The following SV2C variants were observed in gnomAD, a reference collection of about 807,000 sequenced individuals.
SV2C encodes synaptic vesicle glycoprotein 2C.
SV2C carries 49 observed loss-of-function variants against 79.7 expected under a neutral mutation model. The observed-to-expected ratio is 0.61, with a 90% CI of 0.49 to 0.78. The LOEUF (loss-of-function observed/expected upper bound fraction) is 0.78. Ranked by LOEUF, SV2C falls within the 30% of genes least tolerant of loss-of-function variation. SV2C has a pLI of 0.00. For missense variants in SV2C, 833 were observed against 912.9 expected, an observed-to-expected ratio of 0.91 and a Z score of 1.13; for synonymous variants, 334 against 333.2, an observed-to-expected ratio of 1.00 and a Z score of -0.03.
At chr5:76,165,479 A>C (rs1035635867) in intron 2 of SV2C, among the ~76,000 whole-genome samples, 1 of 152,096 alleles carries the variant, frequency 6.6e-6, no homozygotes, top group African/African-American at 2.4e-5. Context: ...AAACTCCTTC[A>C]TGTTACTCCT....
the SV2C span, among the ~76,000 whole-genome samples, chr5:75,853,283 G>C: frequency 6.6e-6 from 1 of 152,050 alleles, no homozygotes; most frequent in African/African-American, 2.4e-5. Context: ...TTGGCCGGGC[G>C]CGGTGGCTCA....
intron 1 of SV2C, among the ~76,000 whole-genome samples, chr5:76,085,495 A>G (rs1747157446): frequency 6.6e-6 from 1 of 152,082 alleles, no homozygotes; most frequent in Non-Finnish European, 1.5e-5. Flanking sequence ...AAGGAGCCCA[A>G]ATCTGCAGTA....
At chr5:75,879,015 G>A in the SV2C span, among the ~76,000 whole-genome samples, 3 of 152,132 alleles carry the variant, frequency 2.0e-5, no homozygotes, top group African/African-American at 4.8e-5. Context: ...AAGAGTGATG[G>A]TGGATGTGTC....
the SV2C span, among the ~76,000 whole-genome samples, chr5:75,867,250 C>G: frequency 6.6e-6 from 1 of 152,072 alleles, no homozygotes; most frequent in Non-Finnish European, 1.5e-5. Context: ...TTAGAACACA[C>G]GGACCTATCA....
chr5:75,884,693 G>C, the SV2C span, among the ~76,000 whole-genome samples: 1 of 151,940 alleles, frequency 6.6e-6, no homozygotes. Context: ...TTAAGGTGAT[G>C]GATATTATAA....
the SV2C span, among the ~76,000 whole-genome samples, chr5:76,034,439 T>C: frequency 6.6e-6 from 1 of 152,250 alleles, no homozygotes; most frequent in Non-Finnish European, 1.5e-5. Flanking sequence ...ACCTAATTTA[T>C]TGAGAATTTT....
chr5:75,974,067 T>C, the SV2C span, among the ~76,000 whole-genome samples: 2 of 152,026 alleles, frequency 1.3e-5, no homozygotes, highest in Admixed American at 1.3e-4. Context: ...ACTTTTTGTA[T>C]TCTTGTCATT....
chr5:76,321,828 T>TA (rs993413176), intron 12 of SV2C, among the ~76,000 whole-genome samples: 5 of 152,188 alleles, frequency 3.3e-5, no homozygotes, highest in Non-Finnish European at 7.3e-5. Context: ...TTTTCTTTTT[T>TA]AAAAAATGTC....
intron 4 of SV2C, among the ~76,000 whole-genome samples, chr5:76,230,616 C>T: frequency 8.2e-6 from 1 of 122,346 alleles, no homozygotes; most frequent in African/African-American, 6.3e-5. Context: ...CATGGTGAAA[C>T]CATCTCTACT....
At chr5:76,299,067 T>G (rs1277078730) in intron 10 of SV2C, 140 bp downstream of exon 10, 24 of 1,098,288 alleles carry the variant, frequency 2.2e-5, no homozygotes, top group Non-Finnish European at 2.8e-5. Flanking sequence ...TAAATCAGGT[T>G]GGATCAAAGG....
chr5:76,235,299 C>T (rs905019185), intron 4 of SV2C, among the ~76,000 whole-genome samples: 35 of 151,920 alleles, frequency 2.3e-4, no homozygotes, highest in African/African-American at 8.2e-4. Flanking sequence ...CATGAAATGT[C>T]TTGGCAGCAA....
At chr5:76,067,009 C>T in the SV2C span, among the ~76,000 whole-genome samples, 7 of 152,154 alleles carry the variant, frequency 4.6e-5, no homozygotes, top group East Asian at 1.4e-3. Flanking sequence ...AGTTTTCTCA[C>T]CTTAAAAACA....
chr5:76,213,189 A>G (rs1309597659), intron 4 of SV2C, among the ~76,000 whole-genome samples: 3 of 152,232 alleles, frequency 2.0e-5, no homozygotes, highest in Non-Finnish European at 2.9e-5. Flanking sequence ...AAAAAAACAT[A>G]TATTTCATTC....
chr5:76,199,604 C>T (rs577713110), intron 3 of SV2C, among the ~76,000 whole-genome samples: 66 of 152,338 alleles, frequency 4.3e-4, no homozygotes, highest in Non-Finnish European at 7.5e-4. Context: ...CTGGGACTGT[C>T]GTCTTGTTCA....
At chr5:76,340,484 T>C (rs1749421273) in intron 12 of SV2C, among the ~76,000 whole-genome samples, 1 of 152,182 alleles carries the variant, frequency 6.6e-6, no homozygotes, top group South Asian at 2.1e-4. Flanking sequence ...GACACAGGCA[T>C]GTGGGCACAG....
chr5:76,017,290 T>A, the SV2C span, among the ~76,000 whole-genome samples: 1 of 152,134 alleles, frequency 6.6e-6, no homozygotes, highest in Admixed American at 6.5e-5. Context: ...TGAAGTGTTG[T>A]TGTTGTTGTT....
At chr5:76,166,460 A>G (rs564178503) in intron 2 of SV2C, among the ~76,000 whole-genome samples, 74 of 111,002 alleles carry the variant, frequency 6.7e-4, no homozygotes, top group African/African-American at 2.4e-3. Flanking sequence ...AAATTCAAAT[A>G]AAAGCTACCT....
At position 76,322,451 on chromosome 5, in the gene SV2C, G is replaced by T. The variant is rs530459520; in HGVS notation, c.2001-2913G>T. On this transcript the variant is annotated intron_variant, in intron 12 of 12. Coordinates refer to ENST00000502798, the MANE Select transcript of SV2C (RefSeq NM_014979.4). The stretch of plus-strand genomic sequence containing the variant: ...AGGAAGAATCAATATAGTGAAAGTG[G>T]CCATACTGCCCAAAGTAATTTATAG... Among the ~76,000 whole-genome samples the T allele has an allele frequency of 1.9e-4, 29 of 152,122 alleles. No individual in the cohort carries two copies. In the South Asian group the frequency reaches 5.2e-3, roughly 27 times the overall value.
intron 4 of SV2C, among the ~76,000 whole-genome samples, chr5:76,221,132 T>C (rs1477493785): frequency 6.6e-6 from 1 of 152,200 alleles, no homozygotes; most frequent in East Asian, 1.9e-4. Context: ...GTGTGGCCCT[T>C]CCATCCATTT....
Sources: gnomAD v4.1 joint callset for allele counts (sites outside exome capture counted in the v4.1 genomes callset) on GRCh38, gnomAD v4.1.1 for gene constraint, MANE v1.5 for transcripts, NCBI Gene and HGNC (gene_info 2026-07-23, HGNC 2026-07-21) for gene names.